The following AFF3 variants were observed in gnomAD, a reference collection of about 807,000 sequenced individuals.
AFF3 encodes AF4/FMR2 family member 3.
In AFF3, 32 loss-of-function variants were observed where a neutral mutation model predicts 129.7. That is an observed-to-expected ratio of 0.25 (90% CI 0.19 to 0.33). AFF3 has a LOEUF of 0.33. Ranked by LOEUF, AFF3 falls within the 10% of genes least tolerant of loss-of-function variation. The probability of loss-of-function intolerance (pLI) is 1.00; values close to 1 mark genes in which losing one functional copy is unlikely to be tolerated. For missense variants in AFF3, 1,373 were observed against 1,592.0 expected (o/e 0.86, Z 2.34); for synonymous variants, 644 against 635.4 (o/e 1.01, Z -0.20).
At chr2:99,871,506 A>T (rs1447536429) in intron 7 of AFF3, among the ~76,000 whole-genome samples, 2 of 150,952 alleles carry the variant, frequency 1.3e-5, no homozygotes, top group African/African-American at 5.0e-5. Context: ...CTGTTCACCT[A>T]AGGAAAGGCT....
chr2:99,948,205 T>C (rs1017172517), intron 7 of AFF3, among the ~76,000 whole-genome samples: 1 of 152,114 alleles, frequency 6.6e-6, no homozygotes, highest in Admixed American at 6.5e-5. Context: ...AGCTCTCTGG[T>C]CTGTGGCTGA....
intron 7 of AFF3, among the ~76,000 whole-genome samples, chr2:99,910,353 G>C (rs894937355): frequency 6.6e-6 from 1 of 152,112 alleles, no homozygotes; most frequent in Non-Finnish European, 1.5e-5. Context: ...AACTAGACTT[G>C]ATTAATAATA....
chr2:100,013,746 T>G (rs1307254079), intron 4 of AFF3, among the ~76,000 whole-genome samples: 1 of 152,158 alleles, frequency 6.6e-6, no homozygotes, highest in Non-Finnish European at 1.5e-5. Context: ...TGTTATAATT[T>G]TTTACAGCCC....
Position 99,677,212 on chromosome 2 carries a change from G to C in AFF3, c.1092-4623C>G, listed in dbSNP as rs899346627. 8.7e-5 allele frequency among the ~76,000 whole-genome samples: 13 copies of C among 149,250 alleles called. 1 individual carries two copies. Among genetic ancestry groups the C allele is most frequent in the South Asian group, 4.2e-4 (2 of 4,706 alleles). ...CTGAGCCCTGGAGGTCAAGGCTAGA[G>C]TGAGCCGAGGTTGTACCACTGCACT... is the stretch of plus-strand genomic sequence containing the variant. On this transcript the variant is annotated intron_variant, in intron 11 of 24. Coordinates refer to ENST00000672756, the MANE Select transcript of AFF3 (RefSeq NM_001386135.1).
rs1054667166 is a variant in AFF3 at position 99,758,572 on chromosome 2, C to T, written c.922-6271G>A. On this transcript the variant is annotated intron_variant, in intron 8 of 24. Coordinates refer to ENST00000672756, the MANE Select transcript of AFF3 (RefSeq NM_001386135.1). ...CTGCACTCCAGGCTGGGTGACAGAGCGAGACTCCATCTCAAAAAAAAAAAA... is the reference window on the plus strand; with the variant it reads ...CTGCACTCCAGGCTGGGTGACAGAGTGAGACTCCATCTCAAAAAAAAAAAA... Among the ~76,000 whole-genome samples, 4 of 114,184 alleles carry T rather than the reference C, an allele frequency of 3.5e-5. No individual in the cohort carries two copies. In the Admixed American group the frequency reaches 3.7e-4, roughly 11 times the overall value. The allele number at this position is 114,184 out of a possible 152,430, so 74.9% of individuals were successfully genotyped here.
intron 11 of AFF3, among the ~76,000 whole-genome samples, chr2:99,703,946 C>G (rs1575744921): frequency 6.6e-6 from 1 of 152,192 alleles, no homozygotes; most frequent in Non-Finnish European, 1.5e-5. Flanking sequence ...AGGGGTTGTT[C>G]TAAGTATTGC....
At chr2:99,748,373 G>A (rs942038681) in intron 9 of AFF3, among the ~76,000 whole-genome samples, 1 of 152,158 alleles carries the variant, frequency 6.6e-6, no homozygotes, top group Non-Finnish European at 1.5e-5. Flanking sequence ...GTCCCCCTCT[G>A]GGAGCACTCT....
chr2:99,638,710 T>C (rs574040458), intron 13 of AFF3, among the ~76,000 whole-genome samples: 1 of 152,286 alleles, frequency 6.6e-6, no homozygotes, highest in East Asian at 1.9e-4. Flanking sequence ...AAAGGGGGCA[T>C]CTGGAAGAAC....
chr2:99,758,204 TTC>T (rs1424812429), intron 8 of AFF3, among the ~76,000 whole-genome samples: 23 of 152,190 alleles, frequency 1.5e-4, no homozygotes, highest in African/African-American at 5.3e-4. Context: ...TCCTGATTGG[TTC>T]TCTGTCTTCT....
chr2:99,559,810 T>C (rs1675303200), intron 21 of AFF3, among the ~76,000 whole-genome samples: 1 of 152,230 alleles, frequency 6.6e-6, no homozygotes, highest in Non-Finnish European at 1.5e-5. Flanking sequence ...CTGTTATTAT[T>C]ATTTTTTAAT....
At chr2:99,629,057 C>T (rs1256203659) in intron 13 of AFF3, among the ~76,000 whole-genome samples, 2 of 152,026 alleles carry the variant, frequency 1.3e-5, no homozygotes, top group African/African-American at 2.4e-5. Flanking sequence ...GGGGTTTCAC[C>T]ATGTTGGCCA....
intron 1 of AFF3, among the ~76,000 whole-genome samples, chr2:100,140,489 T>C (rs946742918): frequency 2.0e-5 from 3 of 152,312 alleles, no homozygotes; most frequent in Admixed American, 6.5e-5. Flanking sequence ...AATCTGGAGA[T>C]GGTCAGATCC....
chr2:99,883,057 T>A (rs1399670331), intron 7 of AFF3, among the ~76,000 whole-genome samples: 1 of 152,244 alleles, frequency 6.6e-6, no homozygotes, highest in Non-Finnish European at 1.5e-5. Context: ...AATTGAAGCT[T>A]CATCCACAGT....
At chr2:99,951,306 T>C (rs1031160319) in intron 7 of AFF3, among the ~76,000 whole-genome samples, 2 of 152,204 alleles carry the variant, frequency 1.3e-5, no homozygotes, top group Non-Finnish European at 2.9e-5. Context: ...TTAAGATTCC[T>C]CCTATGCCAT....
At chr2:99,837,422 C>T (rs975459240) in intron 8 of AFF3, 55 bp downstream of exon 8, 11 of 1,537,882 alleles carry the variant, frequency 7.2e-6, no homozygotes, top group South Asian at 1.2e-5. Flanking sequence ...GGTTTCCTTT[C>T]TATTTAGAGT....
chr2:99,956,471 C>T (rs754591087), intron 7 of AFF3, among the ~76,000 whole-genome samples: 19 of 152,142 alleles, frequency 1.2e-4, no homozygotes, highest in Non-Finnish European at 2.6e-4. Context: ...CGAAGCATAA[C>T]TTAAGCATAA....
intron 4 of AFF3, among the ~76,000 whole-genome samples, chr2:100,047,913 C>G (rs1685967118): frequency 6.6e-6 from 1 of 152,206 alleles, no homozygotes; most frequent in South Asian, 2.1e-4. Context: ...GAGGGGAACA[C>G]TTGAGGGAAT....
chr2:99,549,955 C>G lies in AFF3; in HGVS notation c.*1519G>C. On this transcript the variant is annotated 3_prime_UTR_variant, in exon 25 of 25. Transcript: ENST00000672756. The stretch of plus-strand genomic sequence containing the variant: ...CACATATTACACCGCCTGCCTTTCT[C>G]AGACCGTCCTGGTGCAACTTTATCA... The G allele has an allele frequency of 4.4e-6, 1 of 226,200 alleles. No individual in the cohort carries two copies. The allele number at this position is 226,200 out of a possible 1,614,324, so 14.0% of individuals were successfully genotyped here. A position where few individuals can be genotyped will look rare whatever the true frequency, so the allele number is the denominator to read the frequency against.
At chr2:100,138,511 T>C (rs562801249) in intron 1 of AFF3, among the ~76,000 whole-genome samples, 1 of 152,348 alleles carries the variant, frequency 6.6e-6, no homozygotes, top group East Asian at 1.9e-4. Context: ...TGATTCAGTT[T>C]CTGTCTTTTG....
Sources: allele counts gnomAD v4.1 joint callset (sites outside exome capture counted in the v4.1 genomes callset), GRCh38; gene constraint gnomAD v4.1.1; transcripts MANE v1.5; gene names NCBI Gene and HGNC (gene_info 2026-07-23, HGNC 2026-07-21).